Variants in PLA1A observed in about 807,000 individuals in gnomAD.
The protein encoded by PLA1A is phospholipase A1 member A.
A neutral mutation model predicts 49.4 loss-of-function variants in PLA1A; 47 were observed. The observed-to-expected ratio is 0.95, with a 90% CI of 0.75 to 1.21. The LOEUF is 1.21. PLA1A is among the 50% of genes most tolerant of loss of function. PLA1A has a pLI of 0.00. For missense variants in PLA1A, 561 were observed against 563.9 expected (o/e 0.99, Z 0.05); for synonymous variants, 224 against 207.9 (o/e 1.08, Z -0.67).
chr3:119,628,947 G>A lies in PLA1A; in HGVS notation c.1286+82G>A, dbSNP rs2052585943. ...TGGCATTAGATGTGCTGCCTATTGA[G>A]GTTCAATCTCATCATAGTGATTATC... On this transcript the variant is annotated intron_variant, in intron 10 of 10. Transcript: ENST00000273371. 9.2e-6 allele frequency: 10 copies of A among 1,082,852 alleles called. No individual in the cohort carries two copies. In the South Asian group the frequency reaches 1.4e-4, roughly 15 times the overall value. The allele number at this position is 1,082,852 out of a possible 1,614,324, so 67.1% of individuals were successfully genotyped here.
intron 2 of PLA1A, among the ~76,000 whole-genome samples, chr3:119,608,278 AAGAAAG>A (rs1560078907): frequency 6.6e-6 from 1 of 151,194 alleles, no homozygotes; most frequent in Non-Finnish European, 1.5e-5. Flanking sequence ...GAAAGAAAGA[AAGAAAG>A]AAAGAAAGAA....
chr3:119,608,563 A>G (rs184392894), intron 2 of PLA1A, among the ~76,000 whole-genome samples: 175 of 152,354 alleles, frequency 1.1e-3, no homozygotes, highest in African/African-American at 4.0e-3. Flanking sequence ...TATAATTTAC[A>G]CAAAGACTGC....
intron 7 of PLA1A, among the ~76,000 whole-genome samples, chr3:119,618,617 C>T (rs1045107408): frequency 2.0e-5 from 3 of 152,194 alleles, no homozygotes; most frequent in African/African-American, 7.2e-5. Flanking sequence ...CTCGTGAGAG[C>T]TGGGGGGATG....
At chr3:119,601,802 C>T (rs529287876) in intron 1 of PLA1A, among the ~76,000 whole-genome samples, 2 of 152,312 alleles carry the variant, frequency 1.3e-5, no homozygotes, top group South Asian at 2.1e-4. Flanking sequence ...TCTAATATTT[C>T]CCAGTAAATC....
chr3:119,610,422 A>T (rs1326894565), intron 4 of PLA1A, among the ~76,000 whole-genome samples: 1 of 152,162 alleles, frequency 6.6e-6, no homozygotes, highest in Admixed American at 6.6e-5. Context: ...TAGTGGCTGA[A>T]CTTATTTACA....
chr3:119,603,580 A>G (rs2082645662), intron 1 of PLA1A, among the ~76,000 whole-genome samples: 2 of 152,280 alleles, frequency 1.3e-5, no homozygotes, highest in South Asian at 4.1e-4. Flanking sequence ...ATCTAATCTA[A>G]GTCTTTCCCT....
chr3:119,610,076 T>C (rs368752191), intron 4 of PLA1A, among the ~76,000 whole-genome samples: 3 of 152,344 alleles, frequency 2.0e-5, no homozygotes, highest in African/African-American at 7.2e-5. Flanking sequence ...ACATGCGGTA[T>C]TTGGTTTTTT....
rs192167679 is a variant in PLA1A at position 119,615,107 on chromosome 3, C to T, written c.665-905C>T. Among the ~76,000 whole-genome samples, 154 of 152,262 alleles carry T rather than the reference C, an allele frequency of 1.0e-3. 2 individuals carry two copies. The highest frequency in any genetic ancestry group is 2.5e-4 in the Non-Finnish European group (17 of 68,018). Reference sequence around the variant, plus strand: ...ATAGGTCATTGCTTAACCTCCAGGTCGATGGCAGTAAGCAAATAATACACA... The same window carrying T: ...ATAGGTCATTGCTTAACCTCCAGGTTGATGGCAGTAAGCAAATAATACACA... On this transcript the variant is annotated intron_variant, in intron 5 of 10. Coordinates refer to ENST00000273371, the MANE Select transcript of PLA1A (RefSeq NM_015900.4).
chr3:119,620,945 CTA>C (rs1455979629), intron 8 of PLA1A, among the ~76,000 whole-genome samples: 2 of 152,222 alleles, frequency 1.3e-5, no homozygotes, highest in African/African-American at 4.8e-5. Flanking sequence ...ACTGTAAACT[CTA>C]TACTCCTTCC....
chr3:119,620,523 T>C (rs1208543527), intron 8 of PLA1A, among the ~76,000 whole-genome samples: 3 of 152,200 alleles, frequency 2.0e-5, no homozygotes. Context: ...AGCTGTGTGA[T>C]CAGGAACAAG....
chr3:119,616,126 A>G, intron 6 of PLA1A, 25 bp downstream of exon 6: 2 of 1,483,164 alleles, frequency 1.3e-6, no homozygotes, highest in Admixed American at 1.7e-5. Context: ...ACAATCTGGT[A>G]TTTGGCAACC....
At chr3:119,614,605 C>CAAAAAA (rs57980425) in intron 5 of PLA1A, among the ~76,000 whole-genome samples, 4 of 67,990 alleles carry the variant, frequency 5.9e-5, no homozygotes, top group African/African-American at 1.9e-4. Context: ...GACTTCGTCT[C>CAAAAAA]AAAAAAAAAA....
At chr3:119,608,464 C>T (rs1283662910) in intron 2 of PLA1A, among the ~76,000 whole-genome samples, 1 of 152,118 alleles carries the variant, frequency 6.6e-6, no homozygotes, top group Non-Finnish European at 1.5e-5. Flanking sequence ...TGCAAAGGTG[C>T]CTGACAAAAG....
rs375246969 is a variant in PLA1A, at chr3:119,608,925, C to T, written c.431C>T (p.Ser144Phe). ...KNVIKLSLEISLFLNKLLVLG... is the reference protein window; with the variant it reads ...KNVIKLSLEIFLFLNKLLVLG... ...GTGATTAAGTTGAGCCTCGAGATCTCCCTTTTCCTCAATAAACTCCTGGTA... is the reference window on the plus strand; with the variant it reads ...GTGATTAAGTTGAGCCTCGAGATCTTCCTTTTCCTCAATAAACTCCTGGTA... Residue 144 changes from serine (S) to phenylalanine (F), a missense_variant, in exon 3 of 11, where the codon TCC becomes TTC. Coordinates refer to ENST00000273371, the MANE Select transcript of PLA1A (RefSeq NM_015900.4). The T allele has an allele frequency of 6.8e-6, 11 of 1,613,860 alleles. No homozygotes were observed. Among genetic ancestry groups the T allele is most frequent in the Non-Finnish European group, 8.5e-6 (10 of 1,179,918 alleles).
intron 8 of PLA1A, chr3:119,620,293 T>G (rs2082912166): frequency 2.5e-6 from 1 of 392,338 alleles, no homozygotes; most frequent in African/African-American, 2.1e-5. Flanking sequence ...CCTGTTTGCT[T>G]TATCATGTGT....
intron 1 of PLA1A, among the ~76,000 whole-genome samples, chr3:119,602,695 T>C (rs2082633158): frequency 1.3e-5 from 2 of 152,182 alleles, no homozygotes; most frequent in South Asian, 4.1e-4. Context: ...TACATTCTAA[T>C]GTGGACTGAC....
chr3:119,607,671 C>T (rs2082707547), intron 2 of PLA1A, among the ~76,000 whole-genome samples: 1 of 152,196 alleles, frequency 6.6e-6, no homozygotes. Flanking sequence ...GGTCCCTGGA[C>T]TCCAGAGACT....
chr3:119,629,133 C>T lies in PLA1A; in HGVS notation c.1287-251C>T, dbSNP rs181315548. Among the ~76,000 whole-genome samples the T allele has an allele frequency of 1.5e-3, 223 of 152,310 alleles. No individual in the cohort carries two copies. In the Middle Eastern group the frequency reaches 0.044, roughly 30 times the overall value. ...TCATTGCATATTTTCTCCTCTGTGG[C>T]CTCCACTCCAACTGTGTCATGGGTC... On this transcript the variant is annotated intron_variant, in intron 10 of 10. Coordinates refer to ENST00000273371, the MANE Select transcript of PLA1A (RefSeq NM_015900.4).
intron 6 of PLA1A, among the ~76,000 whole-genome samples, chr3:119,617,472 G>A (rs2082863822): frequency 6.6e-6 from 1 of 151,984 alleles, no homozygotes; most frequent in Non-Finnish European, 1.5e-5. Flanking sequence ...GCCAGGTACG[G>A]TGGCTCACAC....
Sources: allele counts gnomAD v4.1 joint callset (sites outside exome capture counted in the v4.1 genomes callset), GRCh38; gene constraint gnomAD v4.1.1; transcripts MANE v1.5; gene names NCBI Gene and HGNC (gene_info 2026-07-23, HGNC 2026-07-21).